The following TNIK variants were observed in gnomAD, a reference collection of about 807,000 sequenced individuals.
The protein encoded by TNIK is TRAF2 and NCK-interacting protein kinase.
A neutral mutation model predicts 191.3 loss-of-function variants in TNIK; 49 were observed. The ratio of observed to expected loss-of-function variants is 0.26; its 90% confidence interval spans 0.20 to 0.32. The LOEUF (loss-of-function observed/expected upper bound fraction) is 0.32. TNIK is among the 10% of genes least tolerant of loss of function. TNIK has a pLI of 1.00. For synonymous variants in TNIK, 594 were observed against 600.9 expected, an observed-to-expected ratio of 0.99 and a Z score of 0.17; for missense variants, 1,155 against 1,702.3, an observed-to-expected ratio of 0.68 and a Z score of 5.66.
intron 27 of TNIK, among the ~76,000 whole-genome samples, chr3:171,080,199 T>G (rs12486507): frequency 0.099 from 15,030 of 152,206 alleles, 855 homozygotes; most frequent in African/African-American, 0.14. Flanking sequence ...AAAACTTAAA[T>G]TTCCGTTTGG....
chr3:171,320,198 C>A (rs1040007149), intron 2 of TNIK, among the ~76,000 whole-genome samples: 1 of 152,158 alleles, frequency 6.6e-6, no homozygotes, highest in Non-Finnish European at 1.5e-5. Flanking sequence ...CAGTTTACCT[C>A]TTCTTTAATT....
At chr3:171,068,507 C>T (rs1251081576) in intron 30 of TNIK, among the ~76,000 whole-genome samples, 6 of 152,070 alleles carry the variant, frequency 3.9e-5, no homozygotes, top group Non-Finnish European at 8.8e-5. Context: ...ATAAAATGAA[C>T]GAATTTCCCT....
chr3:171,118,359 C>T (rs1727094938), intron 18 of TNIK, among the ~76,000 whole-genome samples: 1 of 152,188 alleles, frequency 6.6e-6, no homozygotes, highest in Non-Finnish European at 1.5e-5. Flanking sequence ...AATGGCCATA[C>T]TGCCCAAGGT....
chr3:171,395,566 GATGACAA>G (rs1720114630), intron 1 of TNIK, among the ~76,000 whole-genome samples: 1 of 152,214 alleles, frequency 6.6e-6, no homozygotes. Context: ...TAGGCATGGT[GATGACAA>G]ATGACAATAA....
intron 3 of TNIK, 45 bp from the exon 4 acceptor site, chr3:171,211,286 T>G: frequency 6.4e-7 from 1 of 1,564,536 alleles, no homozygotes; most frequent in Non-Finnish European, 8.7e-7. Context: ...AATCTATGGT[T>G]GTTAGTAGGA....
chr3:171,222,600 A>G (rs1742493107), intron 3 of TNIK, among the ~76,000 whole-genome samples: 1 of 152,150 alleles, frequency 6.6e-6, no homozygotes, highest in Non-Finnish European at 1.5e-5. Flanking sequence ...CTTCCAAACA[A>G]CCCAAGATGA....
Position 171,420,620 on chromosome 3 carries a change from A to G in TNIK, c.57+39387T>C, listed in dbSNP as rs143803148. ...AATTTTTTTCCTATACTACATACCT[A>G]TGGTAAAGTTTAACTTATAAATTAA... On this transcript the variant is annotated intron_variant, in intron 1 of 32. Transcript: ENST00000436636. 8.5e-5 allele frequency among the ~76,000 whole-genome samples: 13 copies of G among 152,334 alleles called. No homozygotes were observed. In the East Asian group the frequency reaches 2.5e-3, roughly 29 times the overall value.
At chr3:171,193,225 T>A (rs13081567) in intron 5 of TNIK, among the ~76,000 whole-genome samples, 7,589 of 152,308 alleles carry the variant, frequency 0.05, 280 homozygotes, top group Middle Eastern at 0.1. Context: ...TTATAATAAA[T>A]CCTGATAACT....
At position 171,371,574 on chromosome 3, in the gene TNIK, G is replaced by A. The variant is rs369688440; in HGVS notation, c.58-1889C>T. Among the ~76,000 whole-genome samples, 230 of 152,252 alleles carry A rather than the reference G, an allele frequency of 1.5e-3. 1 individual carries two copies. The highest frequency in any genetic ancestry group is 5.0e-3 in the African/African-American group (207 of 41,538). ...TGCCCCACCTGGTCTGGGAGGTGTG[G>A]TTCCAGACAGAACCACAAAACCGGA... On this transcript the variant is annotated intron_variant, in intron 1 of 32. Transcript: ENST00000436636.
rs570223665 is a variant in TNIK at position 171,289,516 on chromosome 3, C to T, written c.124-61295G>A. 4.6e-5 allele frequency among the ~76,000 whole-genome samples: 7 copies of T among 152,304 alleles called. No individual in the cohort carries two copies. In the East Asian group the frequency reaches 1.2e-3, roughly 25 times the overall value. ...GATTCTATTCCTATCCTCTCACTAT[C>T]CTGACTTTGCCAGGAGCAGTTCAGT... On this transcript the variant is annotated intron_variant, in intron 2 of 32. Coordinates refer to ENST00000436636, the MANE Select transcript of TNIK (RefSeq NM_015028.4).
intron 2 of TNIK, among the ~76,000 whole-genome samples, chr3:171,274,673 A>G (rs187498934): frequency 4.7e-4 from 71 of 152,362 alleles, no homozygotes; most frequent in East Asian, 4.2e-3. Context: ...TAATAATTCA[A>G]AATAGAAATG....
chr3:171,354,822 C>T (rs939958721), intron 2 of TNIK, among the ~76,000 whole-genome samples: 1 of 152,088 alleles, frequency 6.6e-6, no homozygotes, highest in African/African-American at 2.4e-5. Flanking sequence ...GTACTTAGGC[C>T]AAATTTCAAA....
intron 7 of TNIK, among the ~76,000 whole-genome samples, chr3:171,179,361 G>A (rs747913442): frequency 4.6e-5 from 7 of 152,210 alleles, no homozygotes; most frequent in Non-Finnish European, 8.8e-5. Context: ...TTCCGGAGCT[G>A]ATGGGGATGG....
intron 2 of TNIK, among the ~76,000 whole-genome samples, chr3:171,295,479 C>T (rs1010411338): frequency 1.3e-5 from 2 of 152,164 alleles, no homozygotes; most frequent in African/African-American, 4.8e-5. Flanking sequence ...CCCACTGCAG[C>T]TCCAAGCTGT....
Position 171,407,113 on chromosome 3 carries a change from G to A in TNIK, c.58-37428C>T, listed in dbSNP as rs561672710. On this transcript the variant is annotated intron_variant, in intron 1 of 32. Coordinates refer to ENST00000436636, the MANE Select transcript of TNIK (RefSeq NM_015028.4). Reference sequence around the variant, plus strand: ...CACTGAGAGCTGGGGACTGGGGTCCGGTGGTTCTCCACTGGTATGTGGGTG... The same window carrying A: ...CACTGAGAGCTGGGGACTGGGGTCCAGTGGTTCTCCACTGGTATGTGGGTG... Among the ~76,000 whole-genome samples, 9 of 152,268 alleles carry A rather than the reference G, an allele frequency of 5.9e-5. 1 individual carries two copies. Among genetic ancestry groups the A allele is most frequent in the African/African-American group, 1.4e-4 (6 of 41,550 alleles).
chr3:171,307,966 G>A (rs542253167), intron 2 of TNIK, among the ~76,000 whole-genome samples: 7 of 152,150 alleles, frequency 4.6e-5, no homozygotes, highest in Non-Finnish European at 5.9e-5. Context: ...ATCTATCACT[G>A]GAAGAATCGA....
intron 18 of TNIK, among the ~76,000 whole-genome samples, chr3:171,111,268 A>G (rs1408567881): frequency 6.6e-6 from 1 of 151,984 alleles, no homozygotes; most frequent in African/African-American, 2.4e-5. Flanking sequence ...CAAAAAAATT[A>G]GCTGGGCATA....
At chr3:171,303,192 A>C (rs1349827050) in intron 2 of TNIK, among the ~76,000 whole-genome samples, 1 of 152,212 alleles carries the variant, frequency 6.6e-6, no homozygotes, top group Non-Finnish European at 1.5e-5. Context: ...TTATTGTTCA[A>C]TTATAGTGTA....
At chr3:171,171,700 T>C (rs1442315220) in intron 9 of TNIK, among the ~76,000 whole-genome samples, 3 of 152,186 alleles carry the variant, frequency 2.0e-5, no homozygotes, top group African/African-American at 7.2e-5. Context: ...CTGAGTATAC[T>C]TGCGAGGGCA....
Sources: allele counts gnomAD v4.1 joint callset (sites outside exome capture counted in the v4.1 genomes callset), GRCh38; gene constraint gnomAD v4.1.1; transcripts MANE v1.5; gene names NCBI Gene and HGNC (gene_info 2026-07-23, HGNC 2026-07-21).